The following JARID2 variants were observed in gnomAD, a reference collection of about 807,000 sequenced individuals.
The protein encoded by JARID2 is protein Jumonji.
JARID2 carries 21 observed loss-of-function variants against 125.6 expected under a neutral mutation model. That is an observed-to-expected ratio of 0.17 (90% CI 0.12 to 0.24). The LOEUF (loss-of-function observed/expected upper bound fraction) is 0.24, where lower values mean the gene tolerates loss of function less well. JARID2 is among the 10% of genes least tolerant of loss of function. The probability of loss-of-function intolerance (pLI) is 1.00; values close to 1 mark genes in which losing one functional copy is unlikely to be tolerated. For missense variants in JARID2, 1,303 were observed against 1,639.6 expected (o/e 0.79, Z 3.55); for synonymous variants, 736 against 661.6 (o/e 1.11, Z -1.73).
At chr6:15,339,550 T>C (rs77151761) in intron 1 of JARID2, among the ~76,000 whole-genome samples, 9 of 150,606 alleles carry the variant, frequency 6.0e-5, no homozygotes, top group African/African-American at 2.2e-4. Flanking sequence ...TTTTTTTTTT[T>C]CCTTAAGAGA....
chr6:15,311,386 T>G (rs1762006675), intron 1 of JARID2, among the ~76,000 whole-genome samples: 1 of 152,190 alleles, frequency 6.6e-6, no homozygotes, highest in Non-Finnish European at 1.5e-5. Flanking sequence ...GAGACTAGCC[T>G]GACCAACATG....
chr6:15,368,709 G>T, intron 1 of JARID2: 1 of 500,294 alleles, frequency 2.0e-6, no homozygotes, highest in Non-Finnish European at 4.0e-6. Flanking sequence ...CACTGAAGAG[G>T]AGTCAAAGGA....
chr6:15,330,634 A>C (rs1357583023), intron 1 of JARID2, among the ~76,000 whole-genome samples: 1 of 152,226 alleles, frequency 6.6e-6, no homozygotes, highest in East Asian at 1.9e-4. Context: ...ATAGAGTGTA[A>C]ATTAGGAAAA....
chr6:15,407,150 C>T (rs1161468509), intron 2 of JARID2, among the ~76,000 whole-genome samples: 5 of 151,972 alleles, frequency 3.3e-5, no homozygotes, highest in Non-Finnish European at 7.4e-5. Flanking sequence ...TAGTCCCAGC[C>T]ATTCGGGAGG....
chr6:15,271,536 G>T (rs1301966435), intron 1 of JARID2, among the ~76,000 whole-genome samples: 1 of 152,228 alleles, frequency 6.6e-6, no homozygotes, highest in Non-Finnish European at 1.5e-5. Flanking sequence ...CAGGCCTGAT[G>T]TGGTGGCCCA....
chr6:15,295,123 C>CTTTTTT (rs60419870), intron 1 of JARID2, among the ~76,000 whole-genome samples: 1 of 129,456 alleles, frequency 7.7e-6, no homozygotes, highest in East Asian at 2.2e-4. Context: ...TTTTTTCTTT[C>CTTTTTT]TTTTTTTTTT....
chr6:15,452,639 T>G (rs1767970579), intron 4 of JARID2, among the ~76,000 whole-genome samples: 1 of 152,192 alleles, frequency 6.6e-6, no homozygotes, highest in African/African-American at 2.4e-5. Flanking sequence ...TATATTACGT[T>G]AAGGAAAACA....
intron 6 of JARID2, among the ~76,000 whole-genome samples, chr6:15,490,483 C>T (rs549697460): frequency 1.3e-5 from 2 of 152,252 alleles, no homozygotes; most frequent in Non-Finnish European, 2.9e-5. Flanking sequence ...TCCCTAGAAC[C>T]CGAGAGTTAG....
chr6:15,286,909 C>T (rs1268749089), intron 1 of JARID2, among the ~76,000 whole-genome samples: 1 of 150,818 alleles, frequency 6.6e-6, no homozygotes, highest in Admixed American at 6.6e-5. Flanking sequence ...GAATAACAGC[C>T]ATCCATATTA....
chr6:15,403,507 A>G (rs1450727286), intron 2 of JARID2, among the ~76,000 whole-genome samples: 1 of 152,066 alleles, frequency 6.6e-6, no homozygotes, highest in African/African-American at 2.4e-5. Context: ...GTTCCTTTGT[A>G]GCTCAAGGCG....
At chr6:15,437,680 T>G (rs933129217) in intron 3 of JARID2, among the ~76,000 whole-genome samples, 4 of 151,902 alleles carry the variant, frequency 2.6e-5, no homozygotes, top group African/African-American at 9.7e-5. Flanking sequence ...CAAAGAAATG[T>G]GACTCTAAGA....
At chr6:15,483,293 C>T (rs1412599461) in intron 5 of JARID2, among the ~76,000 whole-genome samples, 1 of 151,926 alleles carries the variant, frequency 6.6e-6, no homozygotes, top group Admixed American at 6.6e-5. Context: ...GTAATAGCAT[C>T]TTGTCACACA....
chr6:15,509,456 A>AGCC lies in JARID2; in HGVS notation c.2846+1003_2846+1005dup, dbSNP rs534577767. 3.2e-4 allele frequency: 206 copies of AGCC among 638,114 alleles called. 1 individual carries two copies. In the African/African-American group the frequency reaches 3.9e-3, roughly 12 times the overall value. The allele number at this position is 638,114 out of a possible 1,614,324, so 39.5% of individuals were successfully genotyped here. A position where few individuals can be genotyped will look rare whatever the true frequency, so the allele number is the denominator to read the frequency against. On this transcript the variant is annotated intron_variant, in intron 12 of 17. Transcript: ENST00000341776. Reference sequence around the variant, plus strand: ...GTGAGTGGTGCTGTGGACATGAGGGAGCCCTCCCTTCCCACATGGGTCTGT... The same window carrying AGCC: ...GTGAGTGGTGCTGTGGACATGAGGGAGCCGCCCTCCCTTCCCACATGGGTCTGT...
At chr6:15,394,444 TAAA>T (rs1412111224) in intron 2 of JARID2, among the ~76,000 whole-genome samples, 1 of 151,950 alleles carries the variant, frequency 6.6e-6, no homozygotes, top group Non-Finnish European at 1.5e-5. Flanking sequence ...ACAAAAAATA[TAAA>T]AAATTAGCTG....
chr6:15,320,852 CTGTGTGTGTG>C (rs71944757), intron 1 of JARID2, among the ~76,000 whole-genome samples: 24 of 145,410 alleles, frequency 1.7e-4, no homozygotes, highest in East Asian at 4.0e-4. Flanking sequence ...CTCTCTCTCT[CTGTGTGTGTG>C]TGTGTGTGTG....
At chr6:15,328,703 C>T (rs530825638) in intron 1 of JARID2, among the ~76,000 whole-genome samples, 1 of 152,326 alleles carries the variant, frequency 6.6e-6, no homozygotes, top group Admixed American at 6.5e-5. Context: ...AAATGTGTGT[C>T]TGTGGCCTCA....
chr6:15,351,719 C>T (rs1763435208), intron 1 of JARID2, among the ~76,000 whole-genome samples: 2 of 152,102 alleles, frequency 1.3e-5, no homozygotes, highest in Admixed American at 6.6e-5. Flanking sequence ...TTATCCTGGG[C>T]TTCTGATGAG....
In JARID2 at chr6:15,275,546, T is replaced by A. The variant is rs71551044; in HGVS notation, c.45+28962T>A. Among the ~76,000 whole-genome samples, 2 of 11,368 alleles carry A rather than the reference T, an allele frequency of 1.8e-4. 1 individual carries two copies. The highest frequency in any genetic ancestry group is 3.1e-4 in the Non-Finnish European group (2 of 6,428). 7.5% of individuals were successfully genotyped at this position (11,368 alleles called of 152,430 possible). A position where few individuals can be genotyped will look rare whatever the true frequency, so the allele number is the denominator to read the frequency against. ...ACCGCCCCCCCCGCCCCCCCCCCCG[T>A]CTTTTGCCTCTTCAATGACCAGGTT... On this transcript the variant is annotated intron_variant, in intron 1 of 17. Transcript: ENST00000341776.
chr6:15,498,201 G>A (rs1365670816), intron 7 of JARID2, among the ~76,000 whole-genome samples: 1 of 152,154 alleles, frequency 6.6e-6, no homozygotes, highest in Non-Finnish European at 1.5e-5. Flanking sequence ...TTTCTCTGGC[G>A]ATTTTGTCAA....
Sources: allele counts gnomAD v4.1 joint callset (sites outside exome capture counted in the v4.1 genomes callset), GRCh38; gene constraint gnomAD v4.1.1; transcripts MANE v1.5; gene names NCBI Gene and HGNC (gene_info 2026-07-23, HGNC 2026-07-21).